The following CATSPERB variants were observed in gnomAD, a reference collection of about 807,000 sequenced individuals.
The protein encoded by CATSPERB is catsper channel auxiliary subunit beta.
In CATSPERB, 93 loss-of-function variants were observed where a neutral mutation model predicts 128.3. The observed-to-expected ratio is 0.72, with a 90% CI of 0.61 to 0.86. The LOEUF (loss-of-function observed/expected upper bound fraction) is 0.86, where lower values mean the gene tolerates loss of function less well. Among genes scored for constraint, CATSPERB ranks in the 40% least tolerant of loss-of-function variants. CATSPERB has a pLI of 0.00. For missense variants in CATSPERB, 1,153 were observed against 1,329.5 expected (o/e 0.87, Z 2.06); for synonymous variants, 381 against 448.8 (o/e 0.85, Z 1.91).
chr14:91,616,733 CTTTTTTTTTT>C (rs1555360386), intron 20 of CATSPERB, among the ~76,000 whole-genome samples: 1 of 84,482 alleles, frequency 1.2e-5, no homozygotes, highest in East Asian at 3.5e-4. Flanking sequence ...AAGTATTCCC[CTTTTTTTTTT>C]TTTTTTTTTT....
chr14:91,708,079 G>T, intron 6 of CATSPERB, 62 bp downstream of exon 6: 1 of 1,063,340 alleles, frequency 9.4e-7, no homozygotes, highest in Non-Finnish European at 1.5e-6. Context: ...GCATATAGCG[G>T]ATGTCAAAGT....
intron 10 of CATSPERB, among the ~76,000 whole-genome samples, chr14:91,686,199 T>C (rs972942896): frequency 7.9e-5 from 12 of 152,190 alleles, no homozygotes; most frequent in Non-Finnish European, 1.6e-4. Flanking sequence ...CTTATTACTA[T>C]CTAAAATCAC....
chr14:91,649,743 T>C (rs542908103), intron 15 of CATSPERB, among the ~76,000 whole-genome samples: 1 of 144,862 alleles, frequency 6.9e-6, no homozygotes, highest in Non-Finnish European at 1.5e-5. Flanking sequence ...GATAAAGAGA[T>C]AGTATTTTGG....
At chr14:91,630,685 C>T (rs1388094806) in intron 17 of CATSPERB, among the ~76,000 whole-genome samples, 1 of 152,196 alleles carries the variant, frequency 6.6e-6, no homozygotes, top group African/African-American at 2.4e-5. Context: ...ACCTGTATTA[C>T]TTTAATAACT....
In CATSPERB at chr14:91,602,742, T is replaced by C. The variant is rs886838535; in HGVS notation, c.2709+5552A>G. ...TCAGAAGCTGCATCATAAAAACATT[T>C]TTTGAAAAATTTCATGCCTACTAGG... On this transcript the variant is annotated intron_variant, in intron 22 of 26. Transcript: ENST00000256343. Among the ~76,000 whole-genome samples the C allele has an allele frequency of 3.6e-4, 55 of 152,206 alleles. 1 individual carries two copies. The highest frequency in any genetic ancestry group is 4.4e-5 in the Non-Finnish European group (3 of 68,038).
intron 11 of CATSPERB, among the ~76,000 whole-genome samples, chr14:91,680,319 T>C (rs111822548): frequency 0.015 from 2,248 of 152,238 alleles, 58 homozygotes; most frequent in African/African-American, 0.05. Flanking sequence ...GTGGTGGTCA[T>C]GTGATATTAT....
At chr14:91,604,292 G>A (rs1893660733) in intron 22 of CATSPERB, 1 of 704,394 alleles carries the variant, frequency 1.4e-6, no homozygotes, top group Admixed American at 1.9e-5. Flanking sequence ...ATGGAAACCA[G>A]AACATGTGGT....
At chr14:91,634,901 T>C (rs1704637) in intron 17 of CATSPERB, among the ~76,000 whole-genome samples, 139,652 of 150,844 alleles carry the variant, frequency 0.93, 64,759 homozygotes, top group African/African-American at 0.97. Flanking sequence ...GCTGCCATAA[T>C]AAAATACCAT....
intron 22 of CATSPERB, chr14:91,605,286 G>T: frequency 9.5e-7 from 1 of 1,049,678 alleles, no homozygotes; most frequent in Non-Finnish European, 1.5e-6. Flanking sequence ...TTGGAGCAAG[G>T]CAGGCTTTGT....
At chr14:91,725,922 A>G (rs890437272) in intron 2 of CATSPERB, among the ~76,000 whole-genome samples, 2 of 152,286 alleles carry the variant, frequency 1.3e-5, no homozygotes, top group Middle Eastern at 3.4e-3. Context: ...CTCAGAGCAG[A>G]CTAGTAGGTA....
intron 17 of CATSPERB, chr14:91,635,919 G>A (rs1894366197): frequency 6.6e-6 from 1 of 152,468 alleles, no homozygotes; most frequent in East Asian, 1.9e-4. Flanking sequence ...TTGGCCTGAT[G>A]GCACTGATAT....
intron 16 of CATSPERB, 24 bp from the exon 17 acceptor site, chr14:91,636,603 T>C (rs1215158870): frequency 6.3e-7 from 1 of 1,582,532 alleles, no homozygotes; most frequent in East Asian, 2.3e-5. Context: ...AAAGAAAATA[T>C]TATATTTAAA....
At chr14:91,691,680 TTA>T in intron 9 of CATSPERB, 125 bp from the exon 10 acceptor site, 1 of 647,566 alleles carries the variant, frequency 1.5e-6, no homozygotes, top group Non-Finnish European at 2.5e-6. Context: ...TATAACTAAA[TTA>T]TATGTTTTTT....
At chr14:91,719,727 A>G (rs1225774298) in intron 4 of CATSPERB, among the ~76,000 whole-genome samples, 2 of 152,204 alleles carry the variant, frequency 1.3e-5, no homozygotes, top group Admixed American at 1.3e-4. Flanking sequence ...TTCATCAGTT[A>G]TGTATAATAT....
At chr14:91,581,216 T>C in intron 26 of CATSPERB, 109 bp from the exon 27 acceptor site, 1 of 809,222 alleles carries the variant, frequency 1.2e-6, no homozygotes, top group South Asian at 1.8e-5. Context: ...TGCCCAGAGT[T>C]ACAAAGACAT....
intron 15 of CATSPERB, 144 bp from the exon 16 acceptor site, chr14:91,639,394 T>C (rs994225626): frequency 1.5e-6 from 1 of 659,692 alleles, no homozygotes; most frequent in Non-Finnish European, 2.5e-6. Context: ...AAATGCATGT[T>C]AGTTTTTGTT....
At chr14:91,696,933 C>A (rs927827520) in intron 7 of CATSPERB, among the ~76,000 whole-genome samples, 1 of 152,112 alleles carries the variant, frequency 6.6e-6, no homozygotes, top group East Asian at 1.9e-4. Context: ...TTTCTATAAT[C>A]AATCTTTATT....
At position 91,580,995 on chromosome 14, in the gene CATSPERB, C is replaced by T. The variant is rs770629829; in HGVS notation, c.3245G>A (p.Gly1082Asp). 4.3e-6 allele frequency: 7 copies of T among 1,614,014 alleles called. No homozygotes were observed. In the African/African-American group the frequency reaches 8.0e-5, roughly 18 times the overall value. Residue 1082 changes from glycine to aspartate, a missense_variant, in exon 27 of 27, where the codon GGC (glycine) becomes GAC (aspartate). Physicochemically the swap from Gly to Asp is moderately conservative, Grantham distance 94. Transcript: ENST00000256343. ...TTGGAATGTCCTCCACGGATGGATG[C>T]CTTGCAGTTGAAACATAAATGCTAT... is the stretch of plus-strand genomic sequence containing the variant. ...IFIAFMFQLQ[G>D]IHPWRTFQRW... is the part of the protein sequence containing the mutation.
chr14:91,661,328 C>T (rs1322558341), intron 14 of CATSPERB, among the ~76,000 whole-genome samples: 5 of 151,926 alleles, frequency 3.3e-5, no homozygotes, highest in African/African-American at 1.2e-4. Flanking sequence ...CCTATAGTCT[C>T]CAACTTATGG....
Sources: allele counts gnomAD v4.1 joint callset (sites outside exome capture counted in the v4.1 genomes callset), GRCh38; gene constraint gnomAD v4.1.1; transcripts MANE v1.5; gene names NCBI Gene and HGNC (gene_info 2026-07-23, HGNC 2026-07-21).